The following CENPE variants were observed in gnomAD, a reference collection of about 807,000 sequenced individuals.
CENPE encodes the protein centromere-associated protein E.
Under a neutral mutation model 336.1 loss-of-function variants are expected in CENPE, and 145 were observed. The observed-to-expected ratio is 0.43, with a 90% confidence interval of 0.38 to 0.50. The LOEUF is 0.50. Ranked by LOEUF, CENPE falls within the 20% of genes least tolerant of loss-of-function variation. The pLI, the probability that CENPE is intolerant of heterozygous loss-of-function variation, is 0.00. For missense variants in CENPE, 2,719 were observed against 3,023.3 expected (o/e 0.90, Z 2.36); for synonymous variants, 1,013 against 984.8 (o/e 1.03, Z -0.54).
intron 13 of CENPE, among the ~76,000 whole-genome samples, chr4:103,179,830 C>T (rs11727498): frequency 0.35 from 53,104 of 151,922 alleles, 9,521 homozygotes; most frequent in Middle Eastern, 0.47. Flanking sequence ...AAAAAGTCTA[C>T]TGAATAAATA....
chr4:103,151,134 T>C (rs936279638), intron 26 of CENPE, 85 bp downstream of exon 26: 6 of 1,267,494 alleles, frequency 4.7e-6, no homozygotes, highest in South Asian at 4.0e-5. Flanking sequence ...GTGCTATTTC[T>C]GGATTTAGGT....
At chr4:103,106,505 T>C (rs1370362993) in intron 48 of CENPE, among the ~76,000 whole-genome samples, 189 bp from the exon 49 acceptor site, 2 of 152,230 alleles carry the variant, frequency 1.3e-5, no homozygotes, top group African/African-American at 2.4e-5. Context: ...CTCCCCATTT[T>C]GTCCTAAAAT....
chr4:103,147,711 TG>T, intron 28 of CENPE, 65 bp from the exon 29 acceptor site: 1 of 1,353,556 alleles, frequency 7.4e-7, no homozygotes, highest in East Asian at 2.3e-5. Context: ...TTTTTTTTTT[TG>T]AGACGGCATC....
intron 45 of CENPE, among the ~76,000 whole-genome samples, chr4:103,115,139 C>CT (rs530965743): frequency 0.049 from 7,090 of 145,896 alleles, 262 homozygotes; most frequent in African/African-American, 0.1. Flanking sequence ...CTTTTCTTTT[C>CT]TTTTTTTTTT....
At chr4:103,132,417 A>G (rs898949931) in intron 42 of CENPE, among the ~76,000 whole-genome samples, 9 of 152,184 alleles carry the variant, frequency 5.9e-5, no homozygotes, top group Admixed American at 5.9e-4. Flanking sequence ...TTCTTACAGA[A>G]GCAGTGAGAA....
Position 103,152,950 on chromosome 4 carries a change from A to T in CENPE, c.3237+97T>A. The T allele has an allele frequency of 4.6e-6, 4 of 875,922 alleles. No homozygotes were observed. The South Asian group carries it at 7.3e-5, about 16-fold the overall frequency. The allele number at this position is 875,922 out of a possible 1,614,324, so 54.3% of individuals were successfully genotyped here. On this transcript the variant is annotated intron_variant, in intron 25 of 48. Transcript: ENST00000265148. ...CAGACCATACACTTCCACCAGATAC[A>T]TTTATTGTATATAAATTATACCTCA...
intron 40 of CENPE, among the ~76,000 whole-genome samples, chr4:103,135,914 T>C (rs1752028325): frequency 6.6e-6 from 1 of 152,242 alleles, no homozygotes. Flanking sequence ...ATCTTTGAGA[T>C]GTTAACTCAC....
rs764240810 is a variant in CENPE at position 103,145,276 on chromosome 4, T to C, written c.4631A>G (p.Gln1544Arg). The C allele has an allele frequency of 3.7e-6, 6 of 1,606,680 alleles. No individual in the cohort carries two copies. The African/African-American group carries it at 4.0e-5, about 11-fold the overall frequency. ...TTGTTTCAGTTCATTCACTTTTTCC[T>C]GAACCTCACTAATTTGTTTTATATT... ...QFNIKQISEV[Q>R]EKVNELKQFK... Residue 1544 changes from glutamine to arginine, a missense_variant, in exon 32 of 49, where the codon CAG (glutamine) becomes CGG (arginine). Gln to Arg is a conservative substitution (Grantham distance 43). Transcript: ENST00000265148.
At chr4:103,130,355 T>G (rs1280704523) in intron 42 of CENPE, among the ~76,000 whole-genome samples, 2 of 152,324 alleles carry the variant, frequency 1.3e-5, no homozygotes, top group East Asian at 3.9e-4. Flanking sequence ...CGAAAGTTAA[T>G]AGCTTTCCTG....
rs2126005814 is a variant in CENPE, at chr4:103,174,914, C to T, written c.1480-11G>A. The T allele has an allele frequency of 3.5e-6, 5 of 1,414,504 alleles. No homozygotes were observed. Among genetic ancestry groups the T allele is most frequent in the Non-Finnish European group, 4.6e-6 (5 of 1,078,654 alleles). The allele number at this position is 1,414,504 out of a possible 1,614,324, so 87.6% of individuals were successfully genotyped here. ...ACTTTCTATATTCTCCTATTATAAA[C>T]AAGAACAGATTTTCCAATCAGAAAA... On this transcript the variant is annotated splice_polypyrimidine_tract_variant and intron_variant, in intron 15 of 48. Transcript: ENST00000265148.
At chr4:103,126,717 A>G (rs1578562083) in intron 42 of CENPE, among the ~76,000 whole-genome samples, 1 of 152,242 alleles carries the variant, frequency 6.6e-6, no homozygotes, top group African/African-American at 2.4e-5. Context: ...AAACAATGTA[A>G]GAAGAAACAT....
At chr4:103,160,419 C>T (rs1314680852) in intron 21 of CENPE, among the ~76,000 whole-genome samples, 3 of 151,542 alleles carry the variant, frequency 2.0e-5, no homozygotes, top group Admixed American at 1.3e-4. Context: ...TTAAATACAC[C>T]TTGAAAAAAT....
chr4:103,194,434 C>T lies in CENPE; in HGVS notation c.567G>A (p.Arg189=), dbSNP rs1199940559. The change falls in exon 7 of 49, where the codon AGG becomes AGA. Residue 189 remains arginine (R), a synonymous_variant. Coordinates refer to ENST00000265148, the MANE Select transcript of CENPE (RefSeq NM_001813.3). ...LKWITKGEKS[R]HYGETKMNQR... ...GATTCATTTTTGTTTCTCCATAATG[C>T]CTGCTCTCTGTAAAAATGAGTTATA... The T allele has an allele frequency of 1.2e-6, 2 of 1,605,696 alleles. No homozygotes were observed. The highest frequency in any genetic ancestry group is 3.4e-5 in the Admixed American group (2 of 59,052).
chr4:103,162,812 C>T (rs1359960721), intron 18 of CENPE, among the ~76,000 whole-genome samples: 4 of 152,156 alleles, frequency 2.6e-5, no homozygotes. Context: ...CCCACTTCGG[C>T]CTCCCAAAGT....
At chr4:103,176,091 C>T (rs934278054) in intron 14 of CENPE, 43 bp from the exon 15 acceptor site, 4 of 1,195,308 alleles carry the variant, frequency 3.3e-6, no homozygotes, top group East Asian at 4.9e-5. Context: ...AACATGTTTA[C>T]CAAATTTCCT....
chr4:103,111,007 T>A lies in CENPE; in HGVS notation c.7545A>T (p.Ile2515=). ...RSQQAQDTSV[I]SEHTDPQPSN... ...AAGGCTGAGGATCAGTATGTTCTGA[T>A]ATCACTGTGGGAGGAAAATATACAA... Residue 2515 remains isoleucine (I), a synonymous_variant, in exon 47 of 49, where the codon ATA becomes ATT. Transcript: ENST00000265148. 6.4e-7 allele frequency: 1 copy of A among 1,573,086 alleles called. No individual in the cohort carries two copies. The highest frequency in any genetic ancestry group is 8.6e-7 in the Non-Finnish European group (1 of 1,163,964).
chr4:103,173,259 T>C (rs1755563934), intron 16 of CENPE, among the ~76,000 whole-genome samples: 2 of 152,138 alleles, frequency 1.3e-5, no homozygotes, highest in Middle Eastern at 3.4e-3. Flanking sequence ...GGGGAAAGGA[T>C]AGTCTTTCTT....
In CENPE at chr4:103,145,511, T is replaced by C. The variant is rs772166131; in HGVS notation, c.4572+12A>G. 1 of 1,591,450 alleles carries C rather than the reference T, an allele frequency of 6.3e-7. No individual in the cohort carries two copies. Among genetic ancestry groups the C allele is most frequent in the South Asian group, 1.2e-5 (1 of 86,274 alleles). On this transcript the variant is annotated intron_variant, in intron 31 of 48. Coordinates refer to ENST00000265148, the MANE Select transcript of CENPE (RefSeq NM_001813.3). ...CCCATTTCCTCCCACTGTTTCTTCA[T>C]CCCCAATTTACCTTGTTCTGTAATT...
chr4:103,178,860 C>T (rs991365013), intron 13 of CENPE, among the ~76,000 whole-genome samples: 6 of 152,164 alleles, frequency 3.9e-5, no homozygotes, highest in Admixed American at 2.0e-4. Flanking sequence ...GTCACTTTGC[C>T]TCCTGTTGCC....
Sources: gnomAD v4.1 joint callset for allele counts (sites outside exome capture counted in the v4.1 genomes callset) on GRCh38, gnomAD v4.1.1 for gene constraint, MANE v1.5 for transcripts, NCBI Gene and HGNC (gene_info 2026-07-23, HGNC 2026-07-21) for gene names.